The following CST5 variants were observed in gnomAD, a reference collection of about 807,000 sequenced individuals.
The protein encoded by CST5 is cystatin-D.
In CST5, 13 loss-of-function variants were observed where a neutral mutation model predicts 11.5. That is an observed-to-expected ratio of 1.13 (90% CI 0.73 to 1.79). The LOEUF is 1.79. CST5 is among the 40% of genes most tolerant of loss of function. CST5 has a pLI of 0.00. For synonymous variants in CST5, 81 were observed against 67.6 expected, an observed-to-expected ratio of 1.20 and a Z score of -0.97; for missense variants, 219 against 174.5, an observed-to-expected ratio of 1.25 and a Z score of -1.44.
At chr20:23,877,423 G>A in intron 2 of CST5, 82 bp downstream of exon 2, 1 of 1,056,550 alleles carries the variant, frequency 9.5e-7, no homozygotes, top group Non-Finnish European at 1.5e-6. Flanking sequence ...GAGTACAGAT[G>A]CGTGCACACA....
intron 1 of CST5, among the ~76,000 whole-genome samples, chr20:23,878,591 C>T (rs1385794222): frequency 1.3e-5 from 2 of 152,216 alleles, no homozygotes; most frequent in African/African-American, 4.8e-5. Flanking sequence ...GAGTGACACA[C>T]TTAAGAGGGA....
chr20:23,878,925 T>C (rs1202331401), intron 1 of CST5, among the ~76,000 whole-genome samples: 1 of 152,224 alleles, frequency 6.6e-6, no homozygotes. Context: ...GGGTCAGGCA[T>C]GCTCTACCCC....
chr20:23,879,600 T>C lies in CST5; in HGVS notation c.77A>G (p.Gln26Arg). Residue 26 changes from glutamine (Q) to arginine (R), a missense_variant, in exon 1 of 3, where the codon CAA becomes CGA. Gln to Arg is a conservative substitution (Grantham distance 43). Coordinates refer to ENST00000304710, the MANE Select transcript of CST5 (RefSeq NM_001900.5). ...MVAVAGSASA[Q>R]SRTLAGGIHA... ...GATGCCACCTGCCAAGGTCCTAGATTGGGCCGAGGCACTCCCGGCCACGGC... is the reference window on the plus strand; with the variant it reads ...GATGCCACCTGCCAAGGTCCTAGATCGGGCCGAGGCACTCCCGGCCACGGC... 1 of 1,614,062 alleles carries C rather than the reference T, an allele frequency of 6.2e-7. No individual in the cohort carries two copies. Among genetic ancestry groups the C allele is most frequent in the South Asian group, 1.1e-5 (1 of 91,084 alleles).
intron 1 of CST5, 83 bp downstream of exon 1, chr20:23,879,363 G>T (rs755593320): frequency 1.7e-5 from 17 of 997,140 alleles, no homozygotes; most frequent in Non-Finnish European, 2.4e-5. Context: ...TTTAGATAAT[G>T]TTGATTTGCT....
In CST5 at chr20:23,879,598, A is replaced by T. The variant is rs561868014; in HGVS notation, c.79T>A (p.Ser27Thr). ...TGGATGCCACCTGCCAAGGTCCTAG[A>T]TTGGGCCGAGGCACTCCCGGCCACG... The part of the protein sequence containing the change: ...VAVAGSASAQ[S>T]RTLAGGIHAT... The change falls in exon 1 of 3, where the codon TCT becomes ACT. Residue 27 changes from serine (S) to threonine (T), a missense_variant. Coordinates refer to ENST00000304710, the MANE Select transcript of CST5 (RefSeq NM_001900.5). The T allele has an allele frequency of 6.2e-7, 1 of 1,614,018 alleles. No homozygotes were observed. The highest frequency in any genetic ancestry group is 1.3e-5 in the African/African-American group (1 of 74,966).
At chr20:23,877,639 G>T in intron 1 of CST5, 21 bp from the exon 2 acceptor site, 1 of 1,586,672 alleles carries the variant, frequency 6.3e-7, no homozygotes, top group South Asian at 1.1e-5. Context: ...GGAAGAGCAG[G>T]AAGCAGGGGC....
In CST5 at chr20:23,876,228, T is replaced by A; in HGVS notation, c.389A>T (p.Asp130Val). 1 of 1,613,914 alleles carries A rather than the reference T, an allele frequency of 6.2e-7. No homozygotes were observed. Among genetic ancestry groups the A allele is most frequent in the South Asian group, 1.1e-5 (1 of 91,078 alleles). The change falls in exon 3 of 3, where the codon GAT becomes GTT. Residue 130 changes from aspartate (D) to valine (V), a missense_variant. By Grantham distance (152) the Asp-to-Val change is radical. Coordinates refer to ENST00000304710, the MANE Select transcript of CST5 (RefSeq NM_001900.5). ...CTTGTAGTTCAGAATGGAAATTTTA[T>A]CCTCCCAGGGAACTTCATTGATCTG... ...SFQINEVPWE[D>V]KISILNYKCR...
At chr20:23,877,817 T>G (rs1985997649) in intron 1 of CST5, among the ~76,000 whole-genome samples, 199 bp from the exon 2 acceptor site, 1 of 152,188 alleles carries the variant, frequency 6.6e-6, no homozygotes, top group Non-Finnish European at 1.5e-5. Flanking sequence ...TTGTTTTCTC[T>G]GGGTATCTCA....
At position 23,876,252 on chromosome 20, in the gene CST5, TGGAA is replaced by T; in HGVS notation, c.361_364del (p.Phe121ArgfsTer14). ...ATCCTCCCAGGGAACTTCATTGATCTGGAAAGAGCAGAACTCTTCCTGTGAAAAG... is the reference window on the plus strand; with the variant it reads ...ATCCTCCCAGGGAACTTCATTGATCTAGAGCAGAACTCTTCCTGTGAAAAG... On this transcript the variant is annotated frameshift_variant, in exon 3 of 3. Transcript: ENST00000304710. LOFTEE classifies it low-confidence loss of function (END_TRUNC). The T allele has an allele frequency of 1.2e-6, 2 of 1,613,422 alleles. No individual in the cohort carries two copies. Among genetic ancestry groups the T allele is most frequent in the African/African-American group, 2.7e-5 (2 of 75,008 alleles).
At chr20:23,876,313 G>T in intron 2 of CST5, 42 bp from the exon 3 acceptor site, 1 of 1,516,986 alleles carries the variant, frequency 6.6e-7, no homozygotes, top group Non-Finnish European at 9.1e-7. Context: ...GTGGGTTACA[G>T]TTAAAGCCAA....
At chr20:23,878,409 G>A (rs937445918) in intron 1 of CST5, among the ~76,000 whole-genome samples, 2 of 152,182 alleles carry the variant, frequency 1.3e-5, no homozygotes, top group Non-Finnish European at 2.9e-5. Context: ...CTGTGGAGAA[G>A]CATGGGATGA....
chr20:23,876,398 T>G, intron 2 of CST5, 127 bp from the exon 3 acceptor site: 1 of 684,656 alleles, frequency 1.5e-6, no homozygotes, highest in East Asian at 2.8e-5. Flanking sequence ...GACCCCAACC[T>G]ACCCCTGCCG....
intron 1 of CST5, 117 bp downstream of exon 1, chr20:23,879,329 A>C: frequency 2.5e-6 from 2 of 799,214 alleles, no homozygotes; most frequent in Non-Finnish European, 4.3e-6. Flanking sequence ...GCAGACAGTC[A>C]GAGAAAGCTG....
At chr20:23,878,130 C>T (rs1406243947) in intron 1 of CST5, among the ~76,000 whole-genome samples, 2 of 152,226 alleles carry the variant, frequency 1.3e-5, no homozygotes, top group African/African-American at 4.8e-5. Context: ...TAACTTCCAG[C>T]TCCTGGCATT....
At position 23,875,991 on chromosome 20, in the gene CST5, A is replaced by C; in HGVS notation, c.*197T>G. The C allele has an allele frequency of 1.9e-6, 1 of 518,506 alleles. No homozygotes were observed. The allele number at this position is 518,506 out of a possible 1,614,324, so 32.1% of individuals were successfully genotyped here. On this transcript the variant is annotated 3_prime_UTR_variant, in exon 3 of 3. Transcript: ENST00000304710. Reference sequence around the variant, plus strand: ...AGAGTGTGCACTGCACACTGGGGCTATGAGAAGCAAGAAGGAAGGAGCAAG... The same window carrying C: ...AGAGTGTGCACTGCACACTGGGGCTCTGAGAAGCAAGAAGGAAGGAGCAAG...
At position 23,879,311 on chromosome 20, in the gene CST5, G is replaced by T. The variant is rs1020857077; in HGVS notation, c.231+135C>A. 6 of 746,926 alleles carry T rather than the reference G, an allele frequency of 8.0e-6. No individual in the cohort carries two copies. In the African/African-American group the frequency reaches 1.0e-4, roughly 13 times the overall value. 46.3% of individuals were successfully genotyped at this position (746,926 alleles called of 1,614,324 possible). A position where few individuals can be genotyped will look rare whatever the true frequency, so the allele number is the denominator to read the frequency against. On this transcript the variant is annotated intron_variant, in intron 1 of 2. Transcript: ENST00000304710. ...GCCAAGGAGTGTCCTAGGGCATGAA[G>T]ACCATCAGCAGACAGTCAGAGAAAG...
At position 23,878,235 on chromosome 20, in the gene CST5, T is replaced by C. The variant is rs537803676; in HGVS notation, c.232-617A>G. On this transcript the variant is annotated intron_variant, in intron 1 of 2. Transcript: ENST00000304710. The stretch of plus-strand genomic sequence containing the variant: ...GAGATGCTCACATACATTGATGTTT[T>C]AGGCCAATAAACATTGCCTCCTGCA... 2.6e-5 allele frequency among the ~76,000 whole-genome samples: 4 copies of C among 152,358 alleles called. No homozygotes were observed. The East Asian group carries it at 7.7e-4, about 29-fold the overall frequency.
chr20:23,877,842 T>C (rs985400371), intron 1 of CST5, among the ~76,000 whole-genome samples: 2 of 152,074 alleles, frequency 1.3e-5, no homozygotes, highest in Non-Finnish European at 2.9e-5. Flanking sequence ...AGCTGTCTCA[T>C]GCAGCCCAGT....
At position 23,876,606 on chromosome 20, in the gene CST5, T is replaced by C. The variant is rs145732674; in HGVS notation, c.346-335A>G. Among the ~76,000 whole-genome samples the C allele has an allele frequency of 3.5e-3, 530 of 152,262 alleles. 4 individuals carry two copies. The highest frequency in any genetic ancestry group is 0.013 in the African/African-American group (522 of 41,558). ...GGGGAGGCAGCTCACTGCCTCCAGC[T>C]CCTTCCACCTCCAGCACCCAGGCCA... On this transcript the variant is annotated intron_variant, in intron 2 of 2. Transcript: ENST00000304710.
Sources: gnomAD v4.1 joint callset for allele counts (sites outside exome capture counted in the v4.1 genomes callset) on GRCh38, gnomAD v4.1.1 for gene constraint, MANE v1.5 for transcripts, NCBI Gene and HGNC (gene_info 2026-07-23, HGNC 2026-07-21) for gene names.